Variants in NAALADL2 observed in about 807,000 individuals in gnomAD.
The protein encoded by NAALADL2 is inactive N-acetylated-alpha-linked acidic dipeptidase-like protein 2.
Under a neutral mutation model 87.2 loss-of-function variants are expected in NAALADL2, and 76 were observed. The ratio of observed to expected loss-of-function variants is 0.87; its 90% CI spans 0.72 to 1.05. NAALADL2 has a LOEUF of 1.05. Ranked by LOEUF, NAALADL2 falls within the 50% of genes least tolerant of loss-of-function variation. NAALADL2 has a pLI of 0.00. For missense variants in NAALADL2, 1,089 were observed against 945.8 expected (o/e 1.15, Z -1.99); for synonymous variants, 354 against 331.0 (o/e 1.07, Z -0.75).
At chr3:175,338,638 C>A (rs867071964) in intron 5 of NAALADL2, among the ~76,000 whole-genome samples, 11 of 131,190 alleles carry the variant, frequency 8.4e-5, no homozygotes, top group Non-Finnish European at 1.3e-4. Context: ...CACACACACA[C>A]ACACACACAC....
At chr3:175,761,855 CTTA>C (rs528770942) in intron 13 of NAALADL2, among the ~76,000 whole-genome samples, 7 of 151,986 alleles carry the variant, frequency 4.6e-5, no homozygotes, top group African/African-American at 1.2e-4. Context: ...GGGTTTTTTT[CTTA>C]TTGTTGAGTT....
At chr3:175,381,733 G>T (rs1302373277) in intron 5 of NAALADL2, among the ~76,000 whole-genome samples, 1 of 152,146 alleles carries the variant, frequency 6.6e-6, no homozygotes, top group Non-Finnish European at 1.5e-5. Flanking sequence ...GAAGGTAATT[G>T]ATAGGTACAA....
chr3:175,644,372 T>C (rs1189847528), intron 11 of NAALADL2, among the ~76,000 whole-genome samples: 2 of 152,138 alleles, frequency 1.3e-5, no homozygotes, highest in Admixed American at 1.3e-4. Context: ...AATATTCTTA[T>C]ATTATACATC....
intron 2 of NAALADL2, among the ~76,000 whole-genome samples, chr3:175,134,669 A>G (rs9874963): frequency 0.15 from 22,830 of 152,124 alleles, 1,916 homozygotes; most frequent in African/African-American, 0.23. Context: ...TTGAAGACTA[A>G]GGGTGAGGGT....
intron 13 of NAALADL2, among the ~76,000 whole-genome samples, chr3:175,774,535 AAGT>A (rs1749955221): frequency 6.6e-6 from 1 of 152,020 alleles, no homozygotes; most frequent in African/African-American, 2.4e-5. Context: ...AAGTAGATAT[AAGT>A]AGTTATAAGC....
chr3:175,238,418 G>A lies in NAALADL2; in HGVS notation c.819+4214G>A, dbSNP rs548694467. Among the ~76,000 whole-genome samples the A allele has an allele frequency of 9.2e-5, 14 of 152,058 alleles. 1 individual carries two copies. The South Asian group carries it at 1.5e-3, about 16-fold the overall frequency. ...TGTTAAAGGAAACAAAATGCAATAC[G>A]GATAAACCTTACACCTTGTATTTGA... On this transcript the variant is annotated intron_variant, in intron 3 of 13. Coordinates refer to ENST00000454872, the MANE Select transcript of NAALADL2 (RefSeq NM_207015.3).
At chr3:175,310,997 T>TC (rs61698604) in intron 4 of NAALADL2, among the ~76,000 whole-genome samples, 31,466 of 151,754 alleles carry the variant, frequency 0.21, 3,516 homozygotes, top group East Asian at 0.47. Flanking sequence ...TTTGTATGTT[T>TC]CCCCCGCAAT....
rs1346232794 is a variant in NAALADL2, at chr3:174,787,601, A to ACATATATATATATATATATATATATATG, written c.-9+49855_-9+49856insCATATATATATATATATATATATATATG. On this transcript the variant is annotated intron_variant, in intron 3 of 3. Transcript: ENST00000434257. ...CATATATATATATATATATATATAT[A>ACATATATATATATATATATATATATATG]TATATATATATATATATATAGTAGT... is the stretch of plus-strand genomic sequence containing the variant. Among the ~76,000 whole-genome samples, 83 of 91,178 alleles carry ACATATATATATATATATATATATATATG rather than the reference A, an allele frequency of 9.1e-4. 2 individuals carry two copies. Among genetic ancestry groups the ACATATATATATATATATATATATATATG allele is most frequent in the African/African-American group, 3.1e-3 (81 of 26,004 alleles). 59.8% of individuals were successfully genotyped at this position (91,178 alleles called of 152,430 possible). A position where few individuals can be genotyped will look rare whatever the true frequency, so the allele number is the denominator to read the frequency against.
chr3:174,762,629 C>G (rs1713180164), intron 3 of NAALADL2, among the ~76,000 whole-genome samples: 1 of 151,946 alleles, frequency 6.6e-6, no homozygotes, highest in Non-Finnish European at 1.5e-5. Flanking sequence ...TCAGAGTGTT[C>G]TAAGTCAGAC....
chr3:175,398,625 G>A (rs1048619398), intron 5 of NAALADL2, among the ~76,000 whole-genome samples: 2 of 151,872 alleles, frequency 1.3e-5, no homozygotes, highest in Non-Finnish European at 2.9e-5. Flanking sequence ...GACACTTAAA[G>A]GTATTGATAA....
chr3:175,107,405 A>G (rs1482967133), intron 2 of NAALADL2, among the ~76,000 whole-genome samples: 1 of 151,918 alleles, frequency 6.6e-6, no homozygotes, highest in East Asian at 1.9e-4. Context: ...TTAGCCTGCT[A>G]GCCACCTTGC....
At chr3:174,501,467 T>G (rs1479082777) in intron 1 of NAALADL2, among the ~76,000 whole-genome samples, 1 of 152,172 alleles carries the variant, frequency 6.6e-6, no homozygotes, top group Non-Finnish European at 1.5e-5. Context: ...TCTGGTAGAT[T>G]TTTGAGACTT....
At chr3:175,748,977 C>G (rs961012952) in intron 12 of NAALADL2, among the ~76,000 whole-genome samples, 2 of 151,242 alleles carry the variant, frequency 1.3e-5, no homozygotes, top group African/African-American at 4.9e-5. Flanking sequence ...CATGGTTGTG[C>G]AAGCCTTTGG....
intron 10 of NAALADL2, among the ~76,000 whole-genome samples, chr3:175,585,382 G>A (rs1720400886): frequency 1.3e-5 from 2 of 151,964 alleles, no homozygotes. Flanking sequence ...CTAGATTCAT[G>A]GTGAAGTATA....
chr3:175,001,803 GA>G (rs958995689), intron 1 of NAALADL2, among the ~76,000 whole-genome samples: 2 of 152,074 alleles, frequency 1.3e-5, no homozygotes, highest in Admixed American at 1.3e-4. Flanking sequence ...ATCCTAAGCT[GA>G]AAACCCCAAA....
At chr3:174,702,434 A>G (rs1473797912) in intron 2 of NAALADL2, among the ~76,000 whole-genome samples, 2 of 152,192 alleles carry the variant, frequency 1.3e-5, no homozygotes, top group Non-Finnish European at 2.9e-5. Context: ...TTGAAGAGTG[A>G]GACTCTGTAC....
intron 3 of NAALADL2, among the ~76,000 whole-genome samples, chr3:174,773,264 C>G (rs1578868075): frequency 2.0e-5 from 3 of 152,248 alleles, no homozygotes; most frequent in African/African-American, 7.2e-5. Flanking sequence ...GGAATAAAGA[C>G]AATATCCCAC....
chr3:174,486,074 C>T (rs999557729), intron 1 of NAALADL2, among the ~76,000 whole-genome samples: 2 of 151,974 alleles, frequency 1.3e-5, no homozygotes, highest in Non-Finnish European at 2.9e-5. Context: ...CTTCTCAGTT[C>T]CTCCCACTTC....
chr3:174,775,688 A>C (rs909856941), intron 3 of NAALADL2, among the ~76,000 whole-genome samples: 1 of 152,106 alleles, frequency 6.6e-6, no homozygotes, highest in African/African-American at 2.4e-5. Flanking sequence ...TCCAGAACAA[A>C]GGTTGTCCAC....
Sources: allele counts gnomAD v4.1 joint callset (sites outside exome capture counted in the v4.1 genomes callset), GRCh38; gene constraint gnomAD v4.1.1; transcripts MANE v1.5; gene names NCBI Gene and HGNC (gene_info 2026-07-23, HGNC 2026-07-21).